ZC3H12B: variants seen among roughly 807,000 people sequenced by gnomAD.
ZC3H12B encodes the protein probable ribonuclease ZC3H12B.
ZC3H12B carries 7 observed loss-of-function variants against 43.9 expected under a neutral mutation model. The observed-to-expected ratio is 0.16, with a 90% CI of 0.09 to 0.30. ZC3H12B has a LOEUF of 0.30. Ranked by LOEUF, ZC3H12B falls within the 10% of genes least tolerant of loss-of-function variation. ZC3H12B has a pLI of 1.00. For synonymous variants in ZC3H12B, 222 were observed against 241.7 expected (o/e 0.92, Z 0.76); for missense variants, 475 against 670.2 (o/e 0.71, Z 3.22).
the ZC3H12B span, among the ~76,000 whole-genome samples, chrX:65,120,288 G>T: frequency 1.8e-5 from 2 of 111,901 alleles, no homozygotes; most frequent in Non-Finnish European, 3.8e-5. Context: ...AGCATCGAAT[G>T]TTCTTCCATT....
the ZC3H12B span, among the ~76,000 whole-genome samples, chrX:65,109,358 G>A: frequency 4.5e-5 from 5 of 111,295 alleles, no homozygotes; most frequent in African/African-American, 1.6e-4. Context: ...CCTAATCAAC[G>A]CATTTCCTCC....
At chrX:65,104,435 C>T in the ZC3H12B span, among the ~76,000 whole-genome samples, 21 of 111,924 alleles carry the variant, frequency 1.9e-4, no homozygotes, top group Admixed American at 1.4e-3. Context: ...AATGAAAGAG[C>T]TTCTGCTCAG....
chrX:65,169,632 G>A, the ZC3H12B span, among the ~76,000 whole-genome samples: 1 of 111,127 alleles, frequency 9.0e-6, no homozygotes, highest in Non-Finnish European at 1.9e-5. Flanking sequence ...TTGACAGTGG[G>A]GTGTTAAAGT....
chrX:65,303,748 C>T, the ZC3H12B span, among the ~76,000 whole-genome samples: 1 of 112,283 alleles, frequency 8.9e-6, no homozygotes, highest in Non-Finnish European at 1.9e-5. Flanking sequence ...TTTCTATATA[C>T]CAGCAATAAA....
At chrX:65,366,411 T>C (rs1602325126), upstream of ZC3H12B, among the ~76,000 whole-genome samples, 1 of 112,345 alleles carries the variant, frequency 8.9e-6, no homozygotes, top group African/African-American at 3.2e-5. Context: ...TGTTTGTATA[T>C]GTATTTGTTC....
the ZC3H12B span, among the ~76,000 whole-genome samples, chrX:65,252,600 G>T: frequency 8.9e-6 from 1 of 111,733 alleles, no homozygotes; most frequent in Non-Finnish European, 1.9e-5. Flanking sequence ...AGTGAACTCA[G>T]ACTGTTTCTG....
exon 5 of ZC3H12B, chrX:65,507,327 C>G (rs1361543451): frequency 8.9e-6 from 1 of 112,429 alleles, no homozygotes; most frequent in Non-Finnish European, 1.9e-5. Context: ...TTTGCTTATC[C>G]TCACGTCTGA....
chrX:65,124,513 G>A, the ZC3H12B span, among the ~76,000 whole-genome samples: 1 of 110,554 alleles, frequency 9.0e-6, no homozygotes, highest in African/African-American at 3.3e-5. Flanking sequence ...ATGATTTAGG[G>A]AGGATTCCCT....
At chrX:65,044,395 T>G in the ZC3H12B span, among the ~76,000 whole-genome samples, 1 of 111,402 alleles carries the variant, frequency 9.0e-6, no homozygotes, top group African/African-American at 3.3e-5. Context: ...GCCAGAGATG[T>G]ATTCAGAGGC....
At chrX:65,064,622 G>C in the ZC3H12B span, among the ~76,000 whole-genome samples, 1 of 111,657 alleles carries the variant, frequency 9.0e-6, no homozygotes, top group African/African-American at 3.3e-5. Flanking sequence ...ATATTCTGTT[G>C]AACTGGGGTG....
At chrX:65,293,891 C>T in the ZC3H12B span, among the ~76,000 whole-genome samples, 4 of 111,064 alleles carry the variant, frequency 3.6e-5, no homozygotes, top group African/African-American at 1.3e-4. Flanking sequence ...ATTGGTGTTC[C>T]CAAGGGAAAA....
the ZC3H12B span, chrX:65,331,293 G>C: frequency 8.9e-6 from 1 of 111,976 alleles, no homozygotes; most frequent in Non-Finnish European, 1.9e-5. Context: ...CCCCCTACTT[G>C]CTCCTATTCA....
intron 3 of ZC3H12B, among the ~76,000 whole-genome samples, chrX:65,423,165 T>A (rs899601468): frequency 9.0e-6 from 1 of 110,521 alleles, no homozygotes. Context: ...TCTCCTGACC[T>A]TGTGATCCGC....
At chrX:65,039,190 T>C in the ZC3H12B span, among the ~76,000 whole-genome samples, 14 of 111,886 alleles carry the variant, frequency 1.3e-4, no homozygotes, top group African/African-American at 4.2e-4. Flanking sequence ...TCTCTCAGTA[T>C]CATATCTTAT....
chrX:65,230,363 A>G, the ZC3H12B span, among the ~76,000 whole-genome samples: 1 of 108,363 alleles, frequency 9.2e-6, no homozygotes, highest in Non-Finnish European at 1.9e-5. Flanking sequence ...GAAGGGGAAC[A>G]TCACACTCTG....
At chrX:65,386,032 C>A (rs1270541969) in intron 2 of ZC3H12B, among the ~76,000 whole-genome samples, 1 of 112,131 alleles carries the variant, frequency 8.9e-6, no homozygotes, top group East Asian at 2.8e-4. Context: ...TGATGTGCTG[C>A]TGAATTCGGT....
chrX:65,385,091 C>G (rs775662454), intron 2 of ZC3H12B, among the ~76,000 whole-genome samples: 1 of 112,024 alleles, frequency 8.9e-6, no homozygotes, highest in East Asian at 2.8e-4. Context: ...ATGATGTCGC[C>G]AGCTTTGTTC....
Position 65,439,453 on chromosome X carries a change from G to A in ZC3H12B, n.407+40749G>A, listed in dbSNP as rs745552220. On this transcript the variant is annotated intron_variant and non_coding_transcript_variant, in intron 3 of 5. Transcript: ENST00000617377. Reference sequence around the variant, plus strand: ...AATTAATAATGATTCCATAGGAATCGTTTGTGCAGCACCTCTGCCTGTTCT... The same window carrying A: ...AATTAATAATGATTCCATAGGAATCATTTGTGCAGCACCTCTGCCTGTTCT... 1.4e-3 allele frequency among the ~76,000 whole-genome samples: 156 copies of A among 111,650 alleles called. 1 individual carries two copies. The highest frequency in any genetic ancestry group is 5.0e-3 in the African/African-American group (153 of 30,839).
chrX:65,306,797 A>G, the ZC3H12B span, among the ~76,000 whole-genome samples: 1 of 112,692 alleles, frequency 8.9e-6, no homozygotes, highest in Admixed American at 9.4e-5. Context: ...GTGAGTGAAT[A>G]AGAAAGGTGT....
Sources: allele counts gnomAD v4.1 joint callset (sites outside exome capture counted in the v4.1 genomes callset), GRCh38; gene constraint gnomAD v4.1.1; transcripts MANE v1.5; gene names NCBI Gene and HGNC (gene_info 2026-07-23, HGNC 2026-07-21).